The following TMPRSS11B variants were observed in gnomAD, a reference collection of about 807,000 sequenced individuals.
TMPRSS11B encodes the protein transmembrane protease serine 11B.
A neutral mutation model predicts 44.7 loss-of-function variants in TMPRSS11B; 53 were observed. That is an observed-to-expected ratio of 1.19 (90% CI 0.95 to 1.49). TMPRSS11B has a LOEUF of 1.49. TMPRSS11B is among the 40% of genes most tolerant of loss of function. The pLI, the probability that TMPRSS11B is intolerant of heterozygous loss-of-function variation, is 0.00. For synonymous variants in TMPRSS11B, 140 were observed against 159.2 expected (o/e 0.88, Z 0.91); for missense variants, 526 against 494.8 (o/e 1.06, Z -0.60).
At chr4:68,235,863 C>T in intron 4 of TMPRSS11B, 139 bp downstream of exon 4, 1 of 468,920 alleles carries the variant, frequency 2.1e-6, no homozygotes, top group Non-Finnish European at 3.7e-6. Flanking sequence ...TTCCTTCGTT[C>T]CTTCCTTTCT....
At chr4:68,242,621 G>A (rs750299648) in intron 1 of TMPRSS11B, among the ~76,000 whole-genome samples, 1 of 148,736 alleles carries the variant, frequency 6.7e-6, no homozygotes, top group African/African-American at 2.5e-5. Context: ...CCAGGCTGGA[G>A]TGCAGTAGTA....
Position 68,228,058 on chromosome 4 carries a change from T to C in TMPRSS11B, c.1104A>G (p.Gly368=), listed in dbSNP as rs1388489266. The C allele has an allele frequency of 1.3e-6, 2 of 1,591,870 alleles. No homozygotes were observed. The highest frequency in any genetic ancestry group is 4.5e-5 in the East Asian group (2 of 44,782). The change falls in exon 10 of 10, where the codon GGA becomes GGG. Residue 368 remains glycine, a synonymous_variant. Coordinates refer to ENST00000332644, the MANE Select transcript of TMPRSS11B (RefSeq NM_182502.3). The part of the protein sequence containing the change: ...EADACQNDSG[G]PLAYPDSRNI... ...TTCTGGAATCAGGGTAAGCTAGTGGTCCACCAGAATCATTCTAGAAGAAGA... is the reference window on the plus strand; with the variant it reads ...TTCTGGAATCAGGGTAAGCTAGTGGCCCACCAGAATCATTCTAGAAGAAGA...
intron 1 of TMPRSS11B, 87 bp downstream of exon 1, chr4:68,245,464 A>C: frequency 7.2e-7 from 1 of 1,386,062 alleles, no homozygotes; most frequent in Non-Finnish European, 1.0e-6. Context: ...AATTATAAAA[A>C]CAGTCAATTA....
chr4:68,244,648 G>A (rs865922294), intron 1 of TMPRSS11B, among the ~76,000 whole-genome samples: 18 of 152,196 alleles, frequency 1.2e-4, no homozygotes, highest in African/African-American at 4.1e-4. Flanking sequence ...TAATCAAAAT[G>A]GTGGTGAGTA....
chr4:68,233,556 T>TTTATATATA (rs1719579145), intron 5 of TMPRSS11B, among the ~76,000 whole-genome samples: 1 of 152,142 alleles, frequency 6.6e-6, no homozygotes, highest in Admixed American at 6.6e-5. Flanking sequence ...TTACTCTCTT[T>TTTATATATA]CTGTGTCCCA....
chr4:68,231,500 C>T (rs936332090), intron 6 of TMPRSS11B, 120 bp from the exon 7 acceptor site: 38 of 929,968 alleles, frequency 4.1e-5, no homozygotes, highest in African/African-American at 2.9e-4. Context: ...TAATTGATGA[C>T]GTTTCTTTCC....
chr4:68,245,159 T>C (rs1306369656), intron 1 of TMPRSS11B, among the ~76,000 whole-genome samples: 2 of 152,208 alleles, frequency 1.3e-5, no homozygotes, highest in African/African-American at 4.8e-5. Flanking sequence ...TATAATGGCA[T>C]TCATATTTTT....
intron 5 of TMPRSS11B, among the ~76,000 whole-genome samples, chr4:68,233,883 A>G (rs1044136172): frequency 6.6e-6 from 1 of 152,024 alleles, no homozygotes; most frequent in Non-Finnish European, 1.5e-5. Context: ...GAAAAGAAAG[A>G]TACTTTGCCT....
chr4:68,242,973 A>T (rs113329485), intron 1 of TMPRSS11B, among the ~76,000 whole-genome samples: 115 of 152,346 alleles, frequency 7.5e-4, no homozygotes, highest in African/African-American at 2.7e-3. Context: ...TTGAAACAGA[A>T]TTAGAAAATA....
At chr4:68,237,591 T>C (rs1256463513) in intron 2 of TMPRSS11B, among the ~76,000 whole-genome samples, 1 of 152,206 alleles carries the variant, frequency 6.6e-6, no homozygotes, top group Admixed American at 6.6e-5. Flanking sequence ...TTTATTTCCC[T>C]ACAGCATATG....
chr4:68,234,390 T>G (rs1719602846), intron 5 of TMPRSS11B, 73 bp downstream of exon 5: 2 of 1,499,722 alleles, frequency 1.3e-6, no homozygotes, highest in Admixed American at 2.1e-5. Flanking sequence ...CTTAGTTCAC[T>G]TTTTAGTACT....
chr4:68,238,125 C>T (rs1330680837), intron 2 of TMPRSS11B, among the ~76,000 whole-genome samples: 1 of 152,184 alleles, frequency 6.6e-6, no homozygotes, highest in Non-Finnish European at 1.5e-5. Flanking sequence ...CCACCTTTAA[C>T]ATACACCATG....
chr4:68,232,508 A>C (rs1177079210), intron 5 of TMPRSS11B, 92 bp from the exon 6 acceptor site: 1 of 1,185,420 alleles, frequency 8.4e-7, no homozygotes, highest in Non-Finnish European at 1.2e-6. Context: ...AACTTTCCTA[A>C]CCCAATATTG....
intron 2 of TMPRSS11B, among the ~76,000 whole-genome samples, chr4:68,236,605 A>G (rs1719674876): frequency 6.6e-6 from 1 of 152,152 alleles, no homozygotes; most frequent in African/African-American, 2.4e-5. Context: ...TTTATGTGAT[A>G]ATAGACATTA....
chr4:68,228,867 G>A lies in TMPRSS11B; in HGVS notation c.964C>T (p.Leu322Phe). ...ATAATCTTCAAAAAGTCTTCTTGAA[G>A]TATCACTGGAAATGAACCTAAAAGC... ...LYMNGSFPVI[L>F]QEDFLKIIDN... Residue 322 changes from leucine (L) to phenylalanine (F), a missense_variant, in exon 9 of 10, where the codon CTT becomes TTT. Physicochemically the swap from Leu to Phe is conservative, Grantham distance 22. Coordinates refer to ENST00000332644, the MANE Select transcript of TMPRSS11B (RefSeq NM_182502.3). 6.2e-7 allele frequency: 1 copy of A among 1,612,912 alleles called. No individual in the cohort carries two copies. Among genetic ancestry groups the A allele is most frequent in the Non-Finnish European group, 8.5e-7 (1 of 1,179,628 alleles).
At chr4:68,229,731 A>G (rs947002726) in intron 7 of TMPRSS11B, 5 of 431,254 alleles carry the variant, frequency 1.2e-5, no homozygotes, top group African/African-American at 1.0e-4. Flanking sequence ...AGCTTTCTGA[A>G]GATCTTTTCA....
chr4:68,240,243 T>C (rs1719787757), intron 2 of TMPRSS11B, among the ~76,000 whole-genome samples: 1 of 152,168 alleles, frequency 6.6e-6, no homozygotes, highest in Admixed American at 6.5e-5. Flanking sequence ...TTAACAAATA[T>C]TATATTCGTT....
chr4:68,226,772 G>T lies in TMPRSS11B; in HGVS notation c.*1139C>A, dbSNP rs1298348311. Reference sequence around the variant, plus strand: ...AGATTACAAAGTTAGCCATCCATATGATTGCACTTTTACTATAAGGAGATG... The same window carrying T: ...AGATTACAAAGTTAGCCATCCATATTATTGCACTTTTACTATAAGGAGATG... On this transcript the variant is annotated 3_prime_UTR_variant, in exon 10 of 10. Coordinates refer to ENST00000332644, the MANE Select transcript of TMPRSS11B (RefSeq NM_182502.3). The T allele has an allele frequency of 6.6e-6, 1 of 152,218 alleles. No individual in the cohort carries two copies. The highest frequency in any genetic ancestry group is 1.5e-5 in the Non-Finnish European group (1 of 68,034). 9.4% of individuals were successfully genotyped at this position (152,218 alleles called of 1,614,324 possible).
At chr4:68,232,330 A>C in intron 6 of TMPRSS11B, 48 bp downstream of exon 6, 1 of 1,549,464 alleles carries the variant, frequency 6.5e-7, no homozygotes, top group Non-Finnish European at 8.8e-7. Context: ...ATAATGAGAA[A>C]ATACCTGTGA....
Sources: gnomAD v4.1 joint callset for allele counts (sites outside exome capture counted in the v4.1 genomes callset) on GRCh38, gnomAD v4.1.1 for gene constraint, MANE v1.5 for transcripts, NCBI Gene and HGNC (gene_info 2026-07-23, HGNC 2026-07-21) for gene names.